The following TM4SF18 variants were observed in gnomAD, a reference collection of about 807,000 sequenced individuals.
TM4SF18 encodes transmembrane 4 L six family member 18.
TM4SF18 carries 22 observed loss-of-function variants against 23.8 expected under a neutral mutation model. The ratio of observed to expected loss-of-function variants is 0.92; its 90% CI spans 0.66 to 1.32. The LOEUF (loss-of-function observed/expected upper bound fraction) is 1.32. TM4SF18 is among the 40% of genes most tolerant of loss of function. TM4SF18 has a pLI of 0.00. For missense variants in TM4SF18, 255 were observed against 240.3 expected (o/e 1.06, Z -0.41); for synonymous variants, 87 against 87.9 (o/e 0.99, Z 0.06).
chr3:149,333,482 C>CTCTTTTTTTTTTTTTTTTTTTT (rs4048749), intron 1 of TM4SF18, 31 bp downstream of exon 1: 1 of 206,078 alleles, frequency 4.9e-6, no homozygotes, highest in Non-Finnish European at 7.9e-6. Flanking sequence ...CTCTCTCTCT[C>CTCTTTTTTTTTTTTTTTTTTTT]TTTTTTTTTT....
In TM4SF18 at chr3:149,325,038, G is replaced by T. The variant is rs1233997923; in HGVS notation, c.268-16C>A. 7.4e-6 allele frequency: 12 copies of T among 1,611,200 alleles called. No homozygotes were observed. The highest frequency in any genetic ancestry group is 8.5e-6 in the Non-Finnish European group (10 of 1,178,598). ...ACAGCAGTGTCTAAATTAAAACATAGAAGCAGGTTAGTACCATAGAATGCG... is the reference window on the plus strand; with the variant it reads ...ACAGCAGTGTCTAAATTAAAACATATAAGCAGGTTAGTACCATAGAATGCG... On this transcript the variant is annotated splice_polypyrimidine_tract_variant and intron_variant, in intron 3 of 5. Coordinates refer to ENST00000296059, the MANE Select transcript of TM4SF18 (RefSeq NM_138786.4).
At chr3:149,332,364 A>G (rs1158009431) in intron 2 of TM4SF18, among the ~76,000 whole-genome samples, 1 of 152,220 alleles carries the variant, frequency 6.6e-6, no homozygotes, top group Non-Finnish European at 1.5e-5. Flanking sequence ...CTTACAGTCC[A>G]TAATGCACTA....
At chr3:149,333,133 A>T in intron 2 of TM4SF18, 73 bp downstream of exon 2, 1 of 1,346,368 alleles carries the variant, frequency 7.4e-7, no homozygotes, top group Non-Finnish European at 1.0e-6. Flanking sequence ...ATTATTCATT[A>T]CTTCTACTAG....
In TM4SF18 at chr3:149,333,379, C is replaced by A. The variant is rs1247361610; in HGVS notation, c.4G>T (p.Gly2Trp). M[G>W]SRKCGGCLSC... ...AGGCAGCCTCCACACTTCCGAGACC[C>A]CATTTTGCCCTGCTTAGAACCTGCG... Residue 2 changes from glycine to tryptophan, a missense_variant, in exon 2 of 6, where the codon GGG becomes TGG. By Grantham distance (184) the Gly-to-Trp change is radical. Transcript: ENST00000296059. The A allele has an allele frequency of 6.2e-7, 1 of 1,610,500 alleles. No individual in the cohort carries two copies. The highest frequency in any genetic ancestry group is 8.5e-7 in the Non-Finnish European group (1 of 1,178,136).
At chr3:149,329,793 T>TA (rs1452404635) in intron 3 of TM4SF18, 2 of 152,294 alleles carry the variant, frequency 1.3e-5, no homozygotes, top group East Asian at 3.9e-4. Flanking sequence ...TGGATGAATC[T>TA]AAAAATTATT....
chr3:149,322,988 C>T (rs930900114), intron 4 of TM4SF18, among the ~76,000 whole-genome samples: 6 of 151,292 alleles, frequency 4.0e-5, no homozygotes, highest in East Asian at 1.9e-4. Context: ...CTGCAAGCTC[C>T]GCCTCCCTGG....
rs1211535638 is a variant in TM4SF18 at position 149,330,327 on chromosome 3, T to C, written c.267+3A>G. The C allele has an allele frequency of 1.2e-6, 2 of 1,607,480 alleles. No individual in the cohort carries two copies. On this transcript the variant is annotated splice_donor_region_variant and intron_variant, in intron 3 of 5. Coordinates refer to ENST00000296059, the MANE Select transcript of TM4SF18 (RefSeq NM_138786.4). ...CCATCCTCAAAAAAACTGTTGCTCT[T>C]ACCACATATTTTTTGCTGCAGTTTT...
At chr3:149,332,162 A>T (rs1004944379) in intron 2 of TM4SF18, among the ~76,000 whole-genome samples, 1 of 151,920 alleles carries the variant, frequency 6.6e-6, no homozygotes, top group Non-Finnish European at 1.5e-5. Context: ...TTAGTTATGT[A>T]CTTATTTCAT....
chr3:149,328,844 G>A (rs1019319835), intron 3 of TM4SF18, among the ~76,000 whole-genome samples: 15 of 152,032 alleles, frequency 9.9e-5, no homozygotes, highest in Non-Finnish European at 1.8e-4. Flanking sequence ...AAGGGAACCC[G>A]GAGAATCCTC....
chr3:149,323,187 C>G (rs372743804), intron 4 of TM4SF18, among the ~76,000 whole-genome samples: 2 of 152,018 alleles, frequency 1.3e-5, no homozygotes, highest in Non-Finnish European at 2.9e-5. Context: ...CATGAGCCAC[C>G]GCGCCTGGCC....
intron 3 of TM4SF18, among the ~76,000 whole-genome samples, chr3:149,328,398 C>A (rs1044561288): frequency 6.6e-6 from 1 of 152,164 alleles, no homozygotes; most frequent in Non-Finnish European, 1.5e-5. Context: ...AAACATCCCA[C>A]CTCTTAATAT....
intron 4 of TM4SF18, 125 bp from the exon 5 acceptor site, chr3:149,322,561 T>A: frequency 5.1e-6 from 4 of 779,746 alleles, no homozygotes; most frequent in Non-Finnish European, 8.0e-6. Flanking sequence ...TAATACATTT[T>A]AAAAACCATT....
At chr3:149,327,603 A>G (rs1730982630) in intron 3 of TM4SF18, among the ~76,000 whole-genome samples, 1 of 152,224 alleles carries the variant, frequency 6.6e-6, no homozygotes, top group African/African-American at 2.4e-5. Context: ...GCAGCAGAAT[A>G]GTAACATGCA....
At chr3:149,327,229 C>T (rs1037543306) in intron 3 of TM4SF18, among the ~76,000 whole-genome samples, 2 of 152,206 alleles carry the variant, frequency 1.3e-5, no homozygotes, top group Admixed American at 6.5e-5. Context: ...GGATTACAGG[C>T]ATGAGCCGCT....
Position 149,321,425 on chromosome 3 carries a change from T to C in TM4SF18, c.*53A>G. 1.6e-5 allele frequency: 21 copies of C among 1,352,380 alleles called. No individual in the cohort carries two copies. Among genetic ancestry groups the C allele is most frequent in the Non-Finnish European group, 2.2e-5 (21 of 973,826 alleles). The allele number at this position is 1,352,380 out of a possible 1,614,324, so 83.8% of individuals were successfully genotyped here. A position where few individuals can be genotyped will look rare whatever the true frequency, so the allele number is the denominator to read the frequency against. On this transcript the variant is annotated 3_prime_UTR_variant, in exon 6 of 6. Transcript: ENST00000296059. ...TGCCCTCAAGTCTACACAGTTGATA[T>C]AATATTTAGATAGATGGCCATGTCT...
At chr3:149,328,055 A>T (rs1489090994) in intron 3 of TM4SF18, among the ~76,000 whole-genome samples, 5 of 152,334 alleles carry the variant, frequency 3.3e-5, no homozygotes, top group African/African-American at 9.6e-5. Flanking sequence ...TTATTTGGCC[A>T]ATATTTGCTT....
chr3:149,322,485 G>A (rs1730831968), intron 4 of TM4SF18, 49 bp from the exon 5 acceptor site: 2 of 1,500,566 alleles, frequency 1.3e-6, no homozygotes, highest in South Asian at 2.5e-5. Context: ...AAGGAAGAAA[G>A]CTACAAGCAT....
At chr3:149,332,712 C>A (rs1312381649) in intron 2 of TM4SF18, among the ~76,000 whole-genome samples, 1 of 152,106 alleles carries the variant, frequency 6.6e-6, no homozygotes, top group African/African-American at 2.4e-5. Context: ...AACACTGAGG[C>A]TCAAAGATAC....
At position 149,318,643 on chromosome 3, in the gene TM4SF18, T is replaced by C. The variant is rs1175209283; in HGVS notation, c.*2835A>G. ...AGGAGATAATTATTAAGTATTAACT[T>C]GTGCGTACTTATGCTTTCTTTTTTC... On this transcript the variant is annotated 3_prime_UTR_variant, in exon 6 of 6. Transcript: ENST00000296059. The C allele has an allele frequency of 1.3e-5, 2 of 152,254 alleles. No individual in the cohort carries two copies. The highest frequency in any genetic ancestry group is 4.8e-5 in the African/African-American group (2 of 41,464). The allele number at this position is 152,254 out of a possible 1,614,324, so 9.4% of individuals were successfully genotyped here.
Sources: allele counts gnomAD v4.1 joint callset (sites outside exome capture counted in the v4.1 genomes callset), GRCh38; gene constraint gnomAD v4.1.1; transcripts MANE v1.5; gene names NCBI Gene and HGNC (gene_info 2026-07-23, HGNC 2026-07-21).